Variants in PODN observed in about 807,000 individuals in gnomAD.
PODN encodes podocan proteoglycan.
In PODN, 40 loss-of-function variants were observed where a neutral mutation model predicts 52.7. The observed-to-expected ratio is 0.76, with a 90% confidence interval of 0.59 to 0.99. The LOEUF (loss-of-function observed/expected upper bound fraction) is 0.99, where lower values mean the gene tolerates loss of function less well. PODN is among the 50% of genes least tolerant of loss of function. The pLI, the probability that PODN is intolerant of heterozygous loss-of-function variation, is 0.00. For missense variants in PODN, 720 were observed against 815.1 expected (o/e 0.88, Z 1.42); for synonymous variants, 396 against 377.9 (o/e 1.05, Z -0.56).
rs1644188562 is a variant in PODN at position 53,075,969 on chromosome 1, G to A, written c.579G>A (p.Leu193=). Residue 193 remains leucine (L), a splice_region_variant and synonymous_variant, in exon 5 of 11, where the codon TTG becomes TTA. Coordinates refer to ENST00000312553, the MANE Select transcript of PODN (RefSeq NM_153703.5). ...TCACCTTTGGCCAGAAGCCAAACTT[G>A]AGGTCAGAGGTCGGGGGTGGTCAGG... ...YGLTFGQKPN[L]RSVYLHNNKL... 1.3e-6 allele frequency: 2 copies of A among 1,578,222 alleles called. No homozygotes were observed. The highest frequency in any genetic ancestry group is 1.7e-6 in the Non-Finnish European group (2 of 1,159,266).
At chr1:53,070,257 T>C (rs1309909501) in intron 2 of PODN, 90 bp downstream of exon 2, 29 of 1,564,776 alleles carry the variant, frequency 1.9e-5, no homozygotes, top group Non-Finnish European at 2.4e-5. Flanking sequence ...AGCAAACTGT[T>C]CACCCAGAAC....
chr1:53,077,571 G>C, intron 6 of PODN, 114 bp from the exon 7 acceptor site: 1 of 1,211,644 alleles, frequency 8.3e-7, no homozygotes, highest in South Asian at 1.4e-5. Flanking sequence ...GGTTGCTTCA[G>C]GTCTGGGTGC....
At chr1:53,072,045 T>G (rs1308865160) in intron 3 of PODN, among the ~76,000 whole-genome samples, 2 of 151,012 alleles carry the variant, frequency 1.3e-5, no homozygotes, top group Non-Finnish European at 2.9e-5. Context: ...ACAGGTCATT[T>G]GTTTAGTTGA....
At chr1:53,065,408 G>A (rs574632755) in intron 1 of PODN, among the ~76,000 whole-genome samples, 15 of 152,116 alleles carry the variant, frequency 9.9e-5, no homozygotes, top group Non-Finnish European at 1.8e-4. Context: ...CAGTGGTATG[G>A]CCAAGGTCAC....
At chr1:53,070,213 C>A in intron 2 of PODN, 46 bp downstream of exon 2, 1 of 1,589,830 alleles carries the variant, frequency 6.3e-7, no homozygotes, top group Non-Finnish European at 8.5e-7. Flanking sequence ...GTCCCACACA[C>A]CCTTGGTTCC....
At chr1:53,081,858 T>G in intron 9 of PODN, 123 bp from the exon 10 acceptor site, 1 of 1,438,324 alleles carries the variant, frequency 7.0e-7, no homozygotes, top group Non-Finnish European at 9.3e-7. Flanking sequence ...CTTTCCCGCC[T>G]GCTGCACCAC....
intron 3 of PODN, among the ~76,000 whole-genome samples, chr1:53,072,483 A>G (rs752228193): frequency 6.6e-6 from 1 of 152,248 alleles, no homozygotes; most frequent in Non-Finnish European, 1.5e-5. Flanking sequence ...ACAGGCAGAA[A>G]AAAGTTAAAT....
chr1:53,081,887 C>T (rs994426370), intron 9 of PODN, 94 bp from the exon 10 acceptor site: 4 of 1,501,842 alleles, frequency 2.7e-6, no homozygotes, highest in African/African-American at 2.8e-5. Context: ...AGGGCCATTC[C>T]CTCCCCTGTT....
Position 53,070,065 on chromosome 1 carries a change from A to T in PODN, c.210A>T (p.Arg70=). Residue 70 remains arginine, a synonymous_variant, in exon 2 of 11, where the codon CGA becomes CGT. Transcript: ENST00000312553. ...GPGPAAVSCP[R]DCACSQEGVV... is the part of the protein sequence containing the mutation. ...GCCCAGCCGCGGTCAGCTGCCCCCGAGACTGTGCCTGTTCCCAGGAGGGCG... is the reference window on the plus strand; with the variant it reads ...GCCCAGCCGCGGTCAGCTGCCCCCGTGACTGTGCCTGTTCCCAGGAGGGCG... 1 of 1,613,006 alleles carries T rather than the reference A, an allele frequency of 6.2e-7. No homozygotes were observed. The highest frequency in any genetic ancestry group is 8.5e-7 in the Non-Finnish European group (1 of 1,179,976).
intron 1 of PODN, among the ~76,000 whole-genome samples, chr1:53,064,903 ACACT>A (rs1644009291): frequency 6.6e-6 from 1 of 152,220 alleles, no homozygotes; most frequent in African/African-American, 2.4e-5. Context: ...CATATGAGAA[ACACT>A]CACTGCTGGC....
intron 4 of PODN, among the ~76,000 whole-genome samples, chr1:53,075,583 A>T (rs1572269180): frequency 6.6e-6 from 1 of 152,116 alleles, no homozygotes; most frequent in African/African-American, 2.4e-5. Context: ...TAAAAGCCAC[A>T]CCCACCTCTG....
chr1:53,082,076 G>A lies in PODN; in HGVS notation c.1757G>A (p.Gly586Asp). Residue 586 changes from glycine to aspartate, a missense_variant, in exon 10 of 11, where the codon GGT becomes GAT. Gly to Asp is a moderately conservative substitution (Grantham distance 94). Coordinates refer to ENST00000312553, the MANE Select transcript of PODN (RefSeq NM_153703.5). ...GACATTGAAGGCAACTTAGAGTTTG[G>A]TGACATTTCCAAGGACCGTGGCCGC... ...VLDIEGNLEF[G>D]DISKDRGRLG... 3 of 1,614,104 alleles carry A rather than the reference G, an allele frequency of 1.9e-6. No homozygotes were observed. The highest frequency in any genetic ancestry group is 2.5e-6 in the Non-Finnish European group (3 of 1,180,012).
chr1:53,079,701 T>G (rs1379212575), intron 8 of PODN, among the ~76,000 whole-genome samples: 2 of 151,916 alleles, frequency 1.3e-5, no homozygotes, highest in African/African-American at 4.8e-5. Flanking sequence ...CCAGTGTGGG[T>G]GAAAGAGAAA....
chr1:53,075,097 C>T (rs1288603121), intron 4 of PODN, among the ~76,000 whole-genome samples: 2 of 152,172 alleles, frequency 1.3e-5, no homozygotes, highest in Admixed American at 1.3e-4. Flanking sequence ...TGCTCCAGAG[C>T]TCTGTCCCAG....
At chr1:53,073,657 T>C (rs1644152456) in intron 3 of PODN, 1 of 152,236 alleles carries the variant, frequency 6.6e-6, no homozygotes, top group Admixed American at 6.5e-5. Context: ...GATAGAAACT[T>C]TGTAACATAA....
intron 1 of PODN, chr1:53,066,732 C>G: frequency 7.3e-7 from 1 of 1,366,122 alleles, no homozygotes; most frequent in East Asian, 2.6e-5. Context: ...GCTCAGCTCC[C>G]TGAGTTGTAA....
rs1324462581 is a variant in PODN, at chr1:53,063,266, T to TGC, written c.-56+964_-56+965dup. On this transcript the variant is annotated intron_variant, in intron 1 of 10. Coordinates refer to ENST00000312553, the MANE Select transcript of PODN (RefSeq NM_153703.5). ...CAAGGGGCGAGCACCCCGGCCCCGG[T>TGC]GCGCGCGGCACTGACTGAGCTGGTC... The TGC allele has an allele frequency of 7.8e-6, 6 of 767,924 alleles. No individual in the cohort carries two copies. The African/African-American group carries it at 1.1e-4, about 15-fold the overall frequency. The allele number at this position is 767,924 out of a possible 1,614,324, so 47.6% of individuals were successfully genotyped here. A position where few individuals can be genotyped will look rare whatever the true frequency, so the allele number is the denominator to read the frequency against.
intron 1 of PODN, among the ~76,000 whole-genome samples, chr1:53,064,828 T>A (rs1419466366): frequency 6.6e-6 from 1 of 152,210 alleles, no homozygotes; most frequent in African/African-American, 2.4e-5. Context: ...AGCAGTAAAG[T>A]GGCTCATCCA....
intron 7 of PODN, 55 bp from the exon 8 acceptor site, chr1:53,078,310 G>A: frequency 1.3e-6 from 2 of 1,511,186 alleles, no homozygotes; most frequent in Non-Finnish European, 1.8e-6. Flanking sequence ...AATCATGGTG[G>A]AAACGAGCAC....
Sources: gnomAD v4.1 joint callset for allele counts (sites outside exome capture counted in the v4.1 genomes callset) on GRCh38, gnomAD v4.1.1 for gene constraint, MANE v1.5 for transcripts, NCBI Gene and HGNC (gene_info 2026-07-23, HGNC 2026-07-21) for gene names.